FMNL1: variants seen among roughly 807,000 people sequenced by gnomAD.
FMNL1 encodes formin like 1, also known as formin-like protein 1.
A neutral mutation model predicts 121.3 loss-of-function variants in FMNL1; 43 were observed. The ratio of observed to expected loss-of-function variants is 0.35; its 90% CI spans 0.28 to 0.46. The LOEUF (loss-of-function observed/expected upper bound fraction) is 0.46. FMNL1 is among the 20% of genes least tolerant of loss of function. The pLI, the probability that FMNL1 is intolerant of heterozygous loss-of-function variation, is 1.00. For synonymous variants in FMNL1, 613 were observed against 613.5 expected (o/e 1.00, Z 0.01); for missense variants, 1,191 against 1,482.4 (o/e 0.80, Z 3.23).
Position 45,246,226 on chromosome 17 carries a change from G to A in FMNL1, c.3107G>A (p.Arg1036Gln), listed in dbSNP as rs142743370. 8.7e-6 allele frequency: 14 copies of A among 1,609,080 alleles called. No individual in the cohort carries two copies. The highest frequency in any genetic ancestry group is 2.7e-5 in the African/African-American group (2 of 74,922). The stretch of plus-strand genomic sequence containing the variant: ...TCCCCCTAGTCACCGCCAAAGGCCC[G>A]GCGGCCACAGATGGACCTCATCTCT... The part of the protein sequence containing the change: ...PPAPKSPPKA[R>Q]RPQMDLISEL... The change falls in exon 25 of 27, where the codon CGG (arginine) becomes CAG (glutamine). Residue 1036 changes from arginine to glutamine, a missense_variant. Arg to Gln is a conservative substitution (Grantham distance 43). Around this residue, in one of 4 missense-constraint regions of FMNL1, gnomAD observed 367 missense variants for 528.6 expected, o/e 0.69. Transcript: ENST00000331495.
intron 7 of FMNL1, 194 bp downstream of exon 7, chr17:45,236,438 C>T (rs990262289): frequency 3.8e-6 from 2 of 523,262 alleles, no homozygotes; most frequent in South Asian, 4.8e-5. Flanking sequence ...TTTGCTGCCT[C>T]TGTCAGGTTC....
chr17:45,245,408 A>G lies in FMNL1; in HGVS notation c.2884A>G (p.Thr962Ala), dbSNP rs767106626. 6.2e-7 allele frequency: 1 copy of G among 1,614,140 alleles called. No homozygotes were observed. The highest frequency in any genetic ancestry group is 1.3e-5 in the African/African-American group (1 of 75,054). ...TMDKLLADSKTAQEAFESVVE... is the reference protein window; with the variant it reads ...TMDKLLADSKAAQEAFESVVE... ...GGACAAGCTGCTGGCAGACAGCAAGACGGCTCAGGTGCGCCAGGGCTGGCC... is the reference window on the plus strand; with the variant it reads ...GGACAAGCTGCTGGCAGACAGCAAGGCGGCTCAGGTGCGCCAGGGCTGGCC... Residue 962 changes from threonine to alanine, a missense_variant, in exon 22 of 27, where the codon ACG (threonine) becomes GCG (alanine). By Grantham distance (58) the Thr-to-Ala change is moderately conservative (BLOSUM62 0). Around this residue, in one of 4 missense-constraint regions of FMNL1, gnomAD observed 367 missense variants for 528.6 expected, o/e 0.69. Coordinates refer to ENST00000331495, the MANE Select transcript of FMNL1 (RefSeq NM_005892.4).
chr17:45,241,798 T>G lies in FMNL1; in HGVS notation c.1586-49T>G, dbSNP rs1053912464. 2 of 1,400,100 alleles carry G rather than the reference T, an allele frequency of 1.4e-6. No individual in the cohort carries two copies. The highest frequency in any genetic ancestry group is 1.6e-5 in the South Asian group (1 of 63,852). 86.7% of individuals were successfully genotyped at this position (1,400,100 alleles called of 1,614,324 possible). A position where few individuals can be genotyped will look rare whatever the true frequency, so the allele number is the denominator to read the frequency against. On this transcript the variant is annotated intron_variant, in intron 14 of 26. Transcript: ENST00000331495. The surrounding 1 kb of genome is among the most constrained non-coding windows in gnomAD (Gnocchi z 7.0). ...AGAGGCGGAGAGGGGCCCACCCAAG[T>G]CAAGGAGCTGACTCGCGCCTCCCCC...
intron 11 of FMNL1, among the ~76,000 whole-genome samples, chr17:45,239,996 G>C (rs939151990): frequency 1.3e-5 from 2 of 152,298 alleles, no homozygotes; most frequent in South Asian, 4.1e-4. Context: ...TCACCACGTT[G>C]GCCAGGTTGG....
Position 45,243,845 on chromosome 17 carries a change from G to C in FMNL1, c.2268G>C (p.Leu756=), listed in dbSNP as rs778720865. 5 of 1,613,696 alleles carry C rather than the reference G, an allele frequency of 3.1e-6. No homozygotes were observed. The highest frequency in any genetic ancestry group is 4.2e-6 in the Non-Finnish European group (5 of 1,179,898). ...TCCTGGAGCTGCTGATGCGCTTCCT[G>C]CCCACAGAGTATGAGCGCAGCCTCA... ...LDFLELLMRF[L]PTEYERSLIT... is the part of the protein sequence containing the mutation. Residue 756 remains leucine (L), a synonymous_variant, in exon 18 of 27, where the codon CTG becomes CTC. Transcript: ENST00000331495.
intron 11 of FMNL1, among the ~76,000 whole-genome samples, chr17:45,239,951 G>A (rs905913821): frequency 3.3e-5 from 5 of 152,098 alleles, no homozygotes; most frequent in African/African-American, 9.7e-5. Context: ...CACCACACTC[G>A]GTTAATTTTT....
intron 24 of FMNL1, 113 bp downstream of exon 24, chr17:45,246,086 C>T: frequency 1.3e-6 from 2 of 1,526,740 alleles, no homozygotes; most frequent in Non-Finnish European, 1.8e-6. Context: ...GCCCCAGGAG[C>T]CTGGGATGGG....
rs554399337 is a variant in FMNL1 at position 45,227,832 on chromosome 17, G to A, written c.130-2772G>A. On this transcript the variant is annotated intron_variant, in intron 1 of 26. Coordinates refer to ENST00000331495, the MANE Select transcript of FMNL1 (RefSeq NM_005892.4). ...CGGTGAGGGAGTGCGCCCATTTTATGGAGGAGGAAGCTGAGGTCCAAGGGG... is the reference window on the plus strand; with the variant it reads ...CGGTGAGGGAGTGCGCCCATTTTATAGAGGAGGAAGCTGAGGTCCAAGGGG... 2.6e-5 allele frequency among the ~76,000 whole-genome samples: 4 copies of A among 152,312 alleles called. No individual in the cohort carries two copies. In the South Asian group the frequency reaches 6.2e-4, roughly 24 times the overall value.
chr17:45,238,253 G>C (rs2043594812), intron 9 of FMNL1: 1 of 316,462 alleles, frequency 3.2e-6, no homozygotes, highest in Non-Finnish European at 6.0e-6. Context: ...GCCTCACTGA[G>C]CAAGTGAGAT....
intron 16 of FMNL1, among the ~76,000 whole-genome samples, chr17:45,242,864 A>G (rs1254280961): frequency 6.6e-6 from 1 of 151,850 alleles, no homozygotes; most frequent in African/African-American, 2.4e-5. Context: ...TCTCCTTTTT[A>G]CCGCTGGCCA....
chr17:45,222,062 C>T lies in FMNL1; in HGVS notation c.-63C>T, dbSNP rs2043236652. On this transcript the variant is annotated 5_prime_UTR_variant, in exon 1 of 27. Coordinates refer to ENST00000331495, the MANE Select transcript of FMNL1 (RefSeq NM_005892.4). ...CCCGCCCGGGCCGGGAGCCTCGTCC[C>T]CGTCCCCCGGAAAGCTGGATTTCCG... 8.9e-7 allele frequency: 1 copy of T among 1,127,790 alleles called. No homozygotes were observed. The highest frequency in any genetic ancestry group is 4.6e-5 in the East Asian group (1 of 21,512). 69.9% of individuals were successfully genotyped at this position (1,127,790 alleles called of 1,614,324 possible). A position where few individuals can be genotyped will look rare whatever the true frequency, so the allele number is the denominator to read the frequency against.
chr17:45,245,901 G>C lies in FMNL1; in HGVS notation c.3018G>C (p.Gln1006His). The change falls in exon 24 of 27, where the codon CAG (glutamine) becomes CAC (histidine). Residue 1006 changes from glutamine (Q) to histidine (H), a missense_variant. Gln to His is a conservative substitution (Grantham distance 24). Around this residue, in one of 4 missense-constraint regions of FMNL1, gnomAD observed 367 missense variants for 528.6 expected, o/e 0.69. Transcript: ENST00000331495. ...AGAAAGCTGAGCAGGAGGTGGAACA[G>C]TGGAAAAAAGAAGCCGCTGCCCAGG... ...AYKKAEQEVE[Q>H]WKKEAAAQEA... 1 of 1,593,088 alleles carries C rather than the reference G, an allele frequency of 6.3e-7. No homozygotes were observed. The highest frequency in any genetic ancestry group is 1.8e-4 in the Middle Eastern group (1 of 5,458).
intron 6 of FMNL1, chr17:45,234,524 TGTG>T (rs963125811): frequency 1.1e-5 from 4 of 358,672 alleles, no homozygotes; most frequent in African/African-American, 8.6e-5. Flanking sequence ...ATTAGCCGGG[TGTG>T]GTGGTGCACG....
chr17:45,243,075 C>T (rs1252813404), intron 16 of FMNL1, 43 bp from the exon 17 acceptor site: 2 of 1,605,712 alleles, frequency 1.2e-6, no homozygotes, highest in Non-Finnish European at 1.7e-6. Flanking sequence ...GAGTGCCAGA[C>T]CCCAGCCCCA....
intron 1 of FMNL1, among the ~76,000 whole-genome samples, chr17:45,228,159 C>G (rs1475527728): frequency 3.3e-5 from 5 of 152,216 alleles, no homozygotes; most frequent in South Asian, 2.1e-4. Context: ...TGGCCCCTCT[C>G]CTACTCCCTG....
At chr17:45,232,805 G>A (rs1056637894) in intron 3 of FMNL1, 77 of 579,106 alleles carry the variant, frequency 1.3e-4, no homozygotes, top group South Asian at 1.2e-3. Context: ...ATGGATGTGT[G>A]TGTGTACCAT....
Position 45,232,403 on chromosome 17 carries a change from A to G in FMNL1, c.250A>G (p.Ile84Val), listed in dbSNP as rs544712237. 1.2e-6 allele frequency: 2 copies of G among 1,613,766 alleles called. No individual in the cohort carries two copies. The highest frequency in any genetic ancestry group is 1.7e-6 in the Non-Finnish European group (2 of 1,179,870). Residue 84 changes from isoleucine (I) to valine (V), a missense_variant, in exon 3 of 27, where the codon ATC becomes GTC. This residue lies in a region of FMNL1 where 253 missense variants were observed against 417.5 expected (regional missense o/e 0.61). Coordinates refer to ENST00000331495, the MANE Select transcript of FMNL1 (RefSeq NM_005892.4). ...AGTCAAGAATCCCCCCGCAGCCTAC[A>G]TCCAGAAGCTGAAGAGCTATGTGGA... The part of the protein sequence containing the change: ...FQVKNPPAAY[I>V]QKLKSYVDTG...
chr17:45,233,824 C>T lies in FMNL1; in HGVS notation c.485+93C>T. 6.6e-7 allele frequency: 1 copy of T among 1,523,106 alleles called. No individual in the cohort carries two copies. Among genetic ancestry groups the T allele is most frequent in the Non-Finnish European group, 8.9e-7 (1 of 1,122,482 alleles). The allele number at this position is 1,523,106 out of a possible 1,614,324, so 94.3% of individuals were successfully genotyped here. ...CCCACTCCCCTGGCCAGTTTCAAGC[C>T]AGGCAGCCCGAGCCTACCCTGGAAC... is the stretch of plus-strand genomic sequence containing the variant. On this transcript the variant is annotated intron_variant, in intron 5 of 26. Transcript: ENST00000331495. The surrounding 1 kb of genome is among the most constrained non-coding windows in gnomAD (Gnocchi z 4.1).
intron 7 of FMNL1, among the ~76,000 whole-genome samples, chr17:45,236,945 C>T (rs2043563187): frequency 6.6e-6 from 1 of 151,566 alleles, no homozygotes; most frequent in African/African-American, 2.4e-5. Context: ...AACCCCGTCT[C>T]TACTGAAAAA....
Sources: gnomAD v4.1 joint callset for allele counts (sites outside exome capture counted in the v4.1 genomes callset) on GRCh38, gnomAD v4.1.1 for gene constraint, gnomAD v4.1.1 regional missense constraint, Gnocchi (gnomAD v3.1) non-coding constraint, MANE v1.5 for transcripts, NCBI Gene and HGNC (gene_info 2026-07-23, HGNC 2026-07-21) for gene names.